Variants in INPP5B observed in about 807,000 individuals in gnomAD.
INPP5B encodes inositol polyphosphate-5-phosphatase B, also known as type II inositol 1,4,5-trisphosphate 5-phosphatase.
Under a neutral mutation model 118.5 loss-of-function variants are expected in INPP5B, and 90 were observed. The ratio of observed to expected loss-of-function variants is 0.76; its 90% CI spans 0.64 to 0.90. INPP5B has a LOEUF of 0.90. Among genes scored for constraint, INPP5B ranks in the 40% least tolerant of loss-of-function variants. The pLI, the probability that INPP5B is intolerant of heterozygous loss-of-function variation, is 0.00. For missense variants in INPP5B, 984 were observed against 1,125.6 expected (o/e 0.87, Z 1.80); for synonymous variants, 385 against 418.9 (o/e 0.92, Z 0.99).
chr1:37,927,303 A>G (rs76762310), intron 7 of INPP5B, among the ~76,000 whole-genome samples: 14,858 of 152,154 alleles, frequency 0.098, 887 homozygotes, highest in East Asian at 0.18. Context: ...TCAAAAAAAA[A>G]AAGGAGCAGT....
intron 21 of INPP5B, 102 bp from the exon 22 acceptor site, chr1:37,865,990 T>C: frequency 6.5e-7 from 1 of 1,542,628 alleles, no homozygotes; most frequent in Admixed American, 1.8e-5. Context: ...CCTGTCAGGC[T>C]CTCTGCTCAG....
chr1:37,881,316 A>C (rs1320926985), intron 14 of INPP5B, among the ~76,000 whole-genome samples: 1 of 152,180 alleles, frequency 6.6e-6, no homozygotes, highest in African/African-American at 2.4e-5. Context: ...CTGTCAACTT[A>C]AACAGTGCCT....
chr1:37,900,300 G>A (rs1322171653), intron 7 of INPP5B, among the ~76,000 whole-genome samples: 16 of 150,848 alleles, frequency 1.1e-4, no homozygotes, highest in Non-Finnish European at 1.2e-4. Context: ...TGTCACCCAG[G>A]ATGGAGTGCA....
At chr1:37,912,025 C>A (rs1644717599) in intron 7 of INPP5B, among the ~76,000 whole-genome samples, 1 of 152,202 alleles carries the variant, frequency 6.6e-6, no homozygotes, top group Non-Finnish European at 1.5e-5. Flanking sequence ...CTTTCTTGCT[C>A]AGCCCTGACC....
intron 7 of INPP5B, among the ~76,000 whole-genome samples, chr1:37,916,944 TGA>T (rs1644885628): frequency 6.6e-6 from 1 of 151,772 alleles, no homozygotes; most frequent in Admixed American, 6.6e-5. Context: ...AGAACCTTTT[TGA>T]TGATGAAAAT....
chr1:37,914,603 C>A (rs1201536304), intron 7 of INPP5B, among the ~76,000 whole-genome samples: 2 of 152,176 alleles, frequency 1.3e-5, no homozygotes, highest in Non-Finnish European at 2.9e-5. Flanking sequence ...TATCCCAATT[C>A]CACCTTCACG....
chr1:37,899,408 A>G (rs1644246563), intron 7 of INPP5B, among the ~76,000 whole-genome samples: 1 of 151,276 alleles, frequency 6.6e-6, no homozygotes, highest in Admixed American at 6.6e-5. Context: ...TACTTAAAAT[A>G]CAAAATAGCC....
chr1:37,868,900 A>T (rs1642220376), intron 19 of INPP5B, among the ~76,000 whole-genome samples: 1 of 152,232 alleles, frequency 6.6e-6, no homozygotes, highest in Non-Finnish European at 1.5e-5. Context: ...ACCAGAGAGA[A>T]GTTGCGGTCT....
chr1:37,895,854 G>A (rs368169285), intron 7 of INPP5B, among the ~76,000 whole-genome samples: 4 of 152,080 alleles, frequency 2.6e-5, no homozygotes, highest in African/African-American at 4.8e-5. Context: ...GCGTGATCTC[G>A]GCTCGCTACA....
At chr1:37,903,886 GA>G (rs1644416648) in intron 7 of INPP5B, among the ~76,000 whole-genome samples, 1 of 152,058 alleles carries the variant, frequency 6.6e-6, no homozygotes, top group South Asian at 2.1e-4. Context: ...TCCAAAAAAA[GA>G]AAAAGGCTTA....
At chr1:37,898,002 C>G (rs1184311644) in intron 7 of INPP5B, among the ~76,000 whole-genome samples, 1 of 151,838 alleles carries the variant, frequency 6.6e-6, no homozygotes, top group South Asian at 2.1e-4. Flanking sequence ...TTTATAGCAG[C>G]GTTAAAATCA....
chr1:37,913,434 C>T (rs1644767629), intron 7 of INPP5B, among the ~76,000 whole-genome samples: 1 of 152,160 alleles, frequency 6.6e-6, no homozygotes, highest in Non-Finnish European at 1.5e-5. Context: ...ATTGGATATC[C>T]TGGGTCCTCC....
intron 6 of INPP5B, among the ~76,000 whole-genome samples, chr1:37,936,489 C>G (rs1645696579): frequency 6.6e-6 from 1 of 151,628 alleles, no homozygotes; most frequent in Admixed American, 6.6e-5. Context: ...GGCATGTTGG[C>G]AGGCACCTGT....
chr1:37,883,539 C>T, intron 13 of INPP5B: 1 of 985,422 alleles, frequency 1.0e-6, no homozygotes, highest in Non-Finnish European at 1.2e-6. Context: ...CTCATTAAGT[C>T]TAATACTGCT....
rs775616212 is a variant in INPP5B at position 37,885,799 on chromosome 1, C to CT, written c.1157_1158insA (p.Phe387ValfsTer20). ...AGATGCTGGTGTTGTGGAACTGGAACCTGATCGCCACGCCTCCCTTGTTGC... is the reference window on the plus strand; with the variant it reads ...AGATGCTGGTGTTGTGGAACTGGAACTCTGATCGCCACGCCTCCCTTGTTGC... On this transcript the variant is annotated frameshift_variant, in exon 13 of 24. Transcript: ENST00000373024. LOFTEE classifies it high-confidence loss of function. 1.2e-6 allele frequency: 2 copies of CT among 1,614,146 alleles called. No homozygotes were observed. Among genetic ancestry groups the CT allele is most frequent in the Non-Finnish European group, 1.7e-6 (2 of 1,179,998 alleles).
intron 6 of INPP5B, among the ~76,000 whole-genome samples, chr1:37,933,658 T>G (rs1376484057): frequency 6.6e-6 from 1 of 151,806 alleles, no homozygotes; most frequent in Non-Finnish European, 1.5e-5. Flanking sequence ...AGGTGGAGGT[T>G]GCAGTGAGCC....
chr1:37,885,479 A>C (rs1643475032), intron 13 of INPP5B, 159 bp downstream of exon 13: 5 of 556,436 alleles, frequency 9.0e-6, no homozygotes, highest in Admixed American at 3.1e-5. Flanking sequence ...TTAGGAAACT[A>C]AATATTTTCA....
chr1:37,933,899 T>TTTTATTTATTTATTTA (rs140877171), intron 6 of INPP5B, among the ~76,000 whole-genome samples: 1 of 134,922 alleles, frequency 7.4e-6, no homozygotes, highest in African/African-American at 2.8e-5. Flanking sequence ...TCAATTTTTA[T>TTTTATTTATTTATTTA]TTTATTTATT....
intron 6 of INPP5B, among the ~76,000 whole-genome samples, chr1:37,940,241 C>T (rs1645862832): frequency 6.6e-6 from 1 of 152,242 alleles, no homozygotes; most frequent in African/African-American, 2.4e-5. Context: ...TAACGTTTCA[C>T]TGCTAGCCCA....
Sources: allele counts gnomAD v4.1 joint callset (sites outside exome capture counted in the v4.1 genomes callset), GRCh38; gene constraint gnomAD v4.1.1; transcripts MANE v1.5; gene names NCBI Gene and HGNC (gene_info 2026-07-23, HGNC 2026-07-21).